The following TRIM24 variants were observed in gnomAD, a reference collection of about 807,000 sequenced individuals.
The protein encoded by TRIM24 is transcription intermediary factor 1-alpha.
TRIM24 carries 29 observed loss-of-function variants against 123.9 expected under a neutral mutation model. The ratio of observed to expected loss-of-function variants is 0.23; its 90% CI spans 0.17 to 0.32. The LOEUF (loss-of-function observed/expected upper bound fraction) is 0.32. TRIM24 is among the 10% of genes least tolerant of loss of function. TRIM24 has a pLI of 1.00. For synonymous variants in TRIM24, 456 were observed against 461.1 expected (o/e 0.99, Z 0.14); for missense variants, 932 against 1,295.3 (o/e 0.72, Z 4.31).
At chr7:138,553,987 A>T (rs1183520313) in intron 8 of TRIM24, among the ~76,000 whole-genome samples, 1 of 152,234 alleles carries the variant, frequency 6.6e-6, no homozygotes, top group East Asian at 1.9e-4. Flanking sequence ...CAAGTAGTTT[A>T]TATAGCACTT....
intron 4 of TRIM24, among the ~76,000 whole-genome samples, chr7:138,523,996 A>C (rs1429763641): frequency 6.6e-6 from 1 of 152,164 alleles, no homozygotes; most frequent in Non-Finnish European, 1.5e-5. Flanking sequence ...TAAATCTCGT[A>C]GTATTGTCAT....
At chr7:138,484,016 T>C (rs1436030774) in intron 1 of TRIM24, among the ~76,000 whole-genome samples, 1 of 152,190 alleles carries the variant, frequency 6.6e-6, no homozygotes, top group Non-Finnish European at 1.5e-5. Context: ...GTACATAATA[T>C]TGAACCTCAA....
At chr7:138,538,867 A>T in intron 7 of TRIM24, 64 bp downstream of exon 7, 2 of 1,366,442 alleles carry the variant, frequency 1.5e-6, no homozygotes, top group Non-Finnish European at 2.0e-6. Context: ...GAGCCATTGT[A>T]ATGCTTAAAA....
At chr7:138,558,875 C>A (rs548024531) in intron 9 of TRIM24, among the ~76,000 whole-genome samples, 42 of 152,192 alleles carry the variant, frequency 2.8e-4, no homozygotes, top group African/African-American at 9.9e-4. Flanking sequence ...GATAAGTGGA[C>A]CAAGTCATGC....
chr7:138,504,523 C>A lies in TRIM24; in HGVS notation c.483+115C>A, dbSNP rs946494357. On this transcript the variant is annotated intron_variant, in intron 2 of 18. Transcript: ENST00000343526. Reference sequence around the variant, plus strand: ...TGCCCAGGCAGGAGTTCACAAGTGGCGCAATCTCCGTTCACTGCAAGCTCC... The same window carrying A: ...TGCCCAGGCAGGAGTTCACAAGTGGAGCAATCTCCGTTCACTGCAAGCTCC... 16 of 581,120 alleles carry A rather than the reference C, an allele frequency of 2.8e-5. No individual in the cohort carries two copies. In the East Asian group the frequency reaches 3.3e-4, roughly 12 times the overall value. The allele number at this position is 581,120 out of a possible 1,614,324, so 36.0% of individuals were successfully genotyped here. A position where few individuals can be genotyped will look rare whatever the true frequency, so the allele number is the denominator to read the frequency against.
In TRIM24 at chr7:138,515,197, T is replaced by C. The variant is rs986393126; in HGVS notation, c.484-15T>C. ...CATTTTCTCAAAAATTTACGTGCCATGGTTCTTTTGTCAGGTATGTACAAG... is the reference window on the plus strand; with the variant it reads ...CATTTTCTCAAAAATTTACGTGCCACGGTTCTTTTGTCAGGTATGTACAAG... On this transcript the variant is annotated splice_polypyrimidine_tract_variant and intron_variant, in intron 2 of 18. Transcript: ENST00000343526. The C allele has an allele frequency of 5.0e-6, 8 of 1,595,930 alleles. No homozygotes were observed. In the African/African-American group the frequency reaches 9.4e-5, roughly 19 times the overall value.
intron 6 of TRIM24, among the ~76,000 whole-genome samples, chr7:138,537,383 T>G (rs950165637): frequency 1.7e-4 from 21 of 122,880 alleles, no homozygotes; most frequent in South Asian, 9.0e-4. Context: ...CTGTTTGTTT[T>G]TTTTTTTTTT....
rs557440725 is a variant in TRIM24, at chr7:138,499,352, G to T, written c.365-4938G>T. ...ATCTTGGGCTGTATTTTTACTACTT[G>T]CCTGAGTCCAGTGAGTCAAAACATT... On this transcript the variant is annotated intron_variant, in intron 1 of 18. Coordinates refer to ENST00000343526, the MANE Select transcript of TRIM24 (RefSeq NM_015905.3). 5.3e-5 allele frequency among the ~76,000 whole-genome samples: 8 copies of T among 152,218 alleles called. No individual in the cohort carries two copies. The South Asian group carries it at 1.7e-3, about 32-fold the overall frequency.
At chr7:138,566,308 G>C (rs1381566587) in intron 9 of TRIM24, among the ~76,000 whole-genome samples, 9 of 152,034 alleles carry the variant, frequency 5.9e-5, no homozygotes, top group Admixed American at 5.9e-4. Context: ...TTGAGGTCAG[G>C]AGTTCGAAAC....
intron 1 of TRIM24, 84 bp downstream of exon 1, chr7:138,460,996 A>G: frequency 1.6e-6 from 2 of 1,241,412 alleles, no homozygotes; most frequent in Non-Finnish European, 2.1e-6. Context: ...ACCCGCTGTC[A>G]TGTCGCCGCC....
intron 9 of TRIM24, among the ~76,000 whole-genome samples, chr7:138,557,919 G>A (rs896882516): frequency 6.6e-6 from 1 of 150,748 alleles, no homozygotes; most frequent in Non-Finnish European, 1.5e-5. Context: ...CCGCCCAGGT[G>A]GCTGACCCAT....
chr7:138,580,867 T>TA (rs543875261), intron 16 of TRIM24, among the ~76,000 whole-genome samples, 173 bp downstream of exon 16: 196 of 152,292 alleles, frequency 1.3e-3, no homozygotes, highest in African/African-American at 4.5e-3. Flanking sequence ...TTCTTTAAAT[T>TA]AAAAAAATCA....
At chr7:138,580,509 T>C in intron 15 of TRIM24, 53 bp from the exon 16 acceptor site, 1 of 1,571,362 alleles carries the variant, frequency 6.4e-7, no homozygotes. Context: ...AGGGAAATAG[T>C]GAAGAGAGGA....
chr7:138,540,688 G>T (rs1399406969), intron 7 of TRIM24, among the ~76,000 whole-genome samples: 1 of 152,088 alleles, frequency 6.6e-6, no homozygotes, highest in Non-Finnish European at 1.5e-5. Flanking sequence ...TCCTGTTATT[G>T]TTGATATTTT....
chr7:138,463,542 A>G (rs926862312), intron 1 of TRIM24, among the ~76,000 whole-genome samples: 1 of 152,178 alleles, frequency 6.6e-6, no homozygotes. Flanking sequence ...TCTTCCATTT[A>G]TATTTTAAAT....
chr7:138,570,644 GT>G (rs199636029), intron 10 of TRIM24, among the ~76,000 whole-genome samples, 185 bp from the exon 11 acceptor site: 104 of 135,750 alleles, frequency 7.7e-4, no homozygotes, highest in Middle Eastern at 3.8e-3. Context: ...TACTGTTTTG[GT>G]TTTTTTTTTT....
At chr7:138,499,710 T>C (rs904050435) in intron 1 of TRIM24, among the ~76,000 whole-genome samples, 2 of 152,012 alleles carry the variant, frequency 1.3e-5, no homozygotes, top group Admixed American at 1.3e-4. Context: ...TACACAAAGG[T>C]GTGGGGCAGG....
At chr7:138,475,802 G>A (rs967673884) in intron 1 of TRIM24, among the ~76,000 whole-genome samples, 19 of 152,212 alleles carry the variant, frequency 1.2e-4, no homozygotes, top group African/African-American at 4.6e-4. Context: ...GAGCCACTGT[G>A]CCTAGCCCAA....
At chr7:138,512,931 C>T (rs1796321064) in intron 2 of TRIM24, among the ~76,000 whole-genome samples, 1 of 152,164 alleles carries the variant, frequency 6.6e-6, no homozygotes. Context: ...TAAGTTCCAA[C>T]TTCAGGTCAC....
Sources: gnomAD v4.1 joint callset for allele counts (sites outside exome capture counted in the v4.1 genomes callset) on GRCh38, gnomAD v4.1.1 for gene constraint, MANE v1.5 for transcripts, NCBI Gene and HGNC (gene_info 2026-07-23, HGNC 2026-07-21) for gene names.